Variants in CDH8 observed in about 807,000 individuals in gnomAD.
CDH8 encodes the protein cadherin 8, also known as cadherin-8.
In CDH8, 17 loss-of-function variants were observed where a neutral mutation model predicts 68.1. The observed-to-expected ratio is 0.25, with a 90% CI of 0.17 to 0.37. The LOEUF (loss-of-function observed/expected upper bound fraction) is 0.37. Among genes scored for constraint, CDH8 ranks in the 10% least tolerant of loss-of-function variants. The probability of loss-of-function intolerance (pLI) is 1.00; values close to 1 mark genes in which losing one functional copy is unlikely to be tolerated. For missense variants in CDH8, 763 were observed against 999.3 expected (o/e 0.76, Z 3.19); for synonymous variants, 372 against 365.1 (o/e 1.02, Z -0.21).
intron 4 of CDH8, among the ~76,000 whole-genome samples, chr16:61,849,330 A>AT (rs1461488036): frequency 6.6e-6 from 1 of 152,058 alleles, no homozygotes; most frequent in African/African-American, 2.4e-5. Flanking sequence ...AGAAAAAAAA[A>AT]AAGGAAATTG....
chr16:61,655,973 C>T (rs925153982), intron 10 of CDH8, among the ~76,000 whole-genome samples: 2 of 151,552 alleles, frequency 1.3e-5, no homozygotes, highest in African/African-American at 2.4e-5. Context: ...CCCGGGTTCA[C>T]GCCATTCTCC....
chr16:61,706,408 G>A (rs1964532591), intron 10 of CDH8, among the ~76,000 whole-genome samples: 1 of 151,790 alleles, frequency 6.6e-6, no homozygotes, highest in African/African-American at 2.4e-5. Flanking sequence ...ACGAGGTCAG[G>A]AGATCGAGAC....
At chr16:61,723,429 T>C (rs150605522) in intron 9 of CDH8, among the ~76,000 whole-genome samples, 10 of 150,938 alleles carry the variant, frequency 6.6e-5, no homozygotes, top group Non-Finnish European at 1.5e-4. Context: ...CAGTACTTGA[T>C]AGATGTTTTC....
chr16:61,746,128 G>A (rs936241335), intron 8 of CDH8, among the ~76,000 whole-genome samples: 1 of 152,122 alleles, frequency 6.6e-6, no homozygotes, highest in South Asian at 2.1e-4. Flanking sequence ...TCTTTGAAAC[G>A]TTTAAATCCT....
At chr16:61,718,639 T>G (rs1432749002) in intron 9 of CDH8, among the ~76,000 whole-genome samples, 1 of 151,286 alleles carries the variant, frequency 6.6e-6, no homozygotes, top group African/African-American at 2.4e-5. Flanking sequence ...TCCTGAAATA[T>G]TAACATCTAT....
chr16:61,737,940 G>C (rs1304477429), intron 8 of CDH8, among the ~76,000 whole-genome samples: 2 of 152,140 alleles, frequency 1.3e-5, no homozygotes, highest in African/African-American at 4.8e-5. Context: ...AGAGTATAAA[G>C]AGTAGTCACT....
At chr16:61,694,874 T>G (rs1361436320) in intron 10 of CDH8, among the ~76,000 whole-genome samples, 1 of 151,424 alleles carries the variant, frequency 6.6e-6, no homozygotes, top group East Asian at 2.0e-4. Flanking sequence ...CTCCACCTCC[T>G]GGGTTCACGT....
intron 2 of CDH8, among the ~76,000 whole-genome samples, chr16:61,970,145 G>T (rs1965315320): frequency 6.6e-6 from 1 of 152,148 alleles, no homozygotes; most frequent in African/African-American, 2.4e-5. Flanking sequence ...ACCTAAGTTA[G>T]TAAGATGCCA....
At chr16:62,023,608 C>CA (rs551912114) in intron 1 of CDH8, among the ~76,000 whole-genome samples, 14 of 151,678 alleles carry the variant, frequency 9.2e-5, no homozygotes, top group East Asian at 3.9e-4. Context: ...TTTGAGAAAA[C>CA]AAAAAAAATG....
chr16:62,000,380 G>A (rs1361183820), intron 2 of CDH8, among the ~76,000 whole-genome samples: 10 of 152,128 alleles, frequency 6.6e-5, no homozygotes, highest in Non-Finnish European at 1.3e-4. Flanking sequence ...TCTCCACACT[G>A]TCTTCCATAA....
chr16:61,781,691 CTG>C (rs201490305), intron 8 of CDH8, among the ~76,000 whole-genome samples: 1 of 152,242 alleles, frequency 6.6e-6, no homozygotes, highest in Admixed American at 6.5e-5. Flanking sequence ...TTAAAGAAGA[CTG>C]GATTTTTTTG....
Position 61,687,391 on chromosome 16 carries a change from C to T in CDH8, c.1654+26450G>A, listed in dbSNP as rs540143724. Among the ~76,000 whole-genome samples, 3 of 152,018 alleles carry T rather than the reference C, an allele frequency of 2.0e-5. 1 individual carries two copies. The highest frequency in any genetic ancestry group is 2.0e-4 in the Admixed American group (3 of 15,240). ...AATAATCACATACCCGTTTTGTAGA[C>T]CAGGACACTGAGGCTCAGATAGTCT... On this transcript the variant is annotated intron_variant, in intron 10 of 11. Transcript: ENST00000577390.
intron 4 of CDH8, among the ~76,000 whole-genome samples, chr16:61,854,671 C>T (rs969640594): frequency 1.1e-4 from 16 of 152,128 alleles, no homozygotes; most frequent in African/African-American, 3.4e-4. Flanking sequence ...CATATGCTTA[C>T]AGACTTTAAA....
At chr16:61,760,023 A>AC (rs1422504834) in intron 8 of CDH8, among the ~76,000 whole-genome samples, 2 of 151,316 alleles carry the variant, frequency 1.3e-5, no homozygotes, top group East Asian at 3.9e-4. Flanking sequence ...ATACCAACAC[A>AC]CCCCCCACCC....
intron 2 of CDH8, among the ~76,000 whole-genome samples, chr16:61,951,787 T>G (rs1964903010): frequency 6.6e-6 from 1 of 152,154 alleles, no homozygotes; most frequent in Non-Finnish European, 1.5e-5. Context: ...TTCTCTTTAC[T>G]TATTGAAAGG....
At chr16:61,702,538 T>C (rs927429449) in intron 10 of CDH8, among the ~76,000 whole-genome samples, 3 of 152,150 alleles carry the variant, frequency 2.0e-5, no homozygotes, top group Non-Finnish European at 4.4e-5. Flanking sequence ...GTCGGTACAA[T>C]TATCATGTTG....
At chr16:61,768,302 GTGTCTCTCCCTT>G (rs1342522184) in intron 8 of CDH8, among the ~76,000 whole-genome samples, 21 of 94,576 alleles carry the variant, frequency 2.2e-4, no homozygotes, top group South Asian at 6.7e-4. Flanking sequence ...CTCTCTCTCT[GTGTCTCTCCCTT>G]TCTCTCTCTC....
At position 61,960,443 on chromosome 16, in the gene CDH8, TACAC is replaced by T. The variant is rs146997591; in HGVS notation, c.253-58974_253-58971del. 5.7e-3 allele frequency among the ~76,000 whole-genome samples: 847 copies of T among 149,414 alleles called. 43 individuals carry two copies. Among genetic ancestry groups the T allele is most frequent in the African/African-American group, 0.02 (797 of 39,704 alleles). ...TGTGTATACACATACATATGTAAAA[TACAC>T]ACACAAACACAGAGAGAGTATACAT... On this transcript the variant is annotated intron_variant, in intron 2 of 11. Transcript: ENST00000577390.
At chr16:61,899,514 G>A (rs917688777) in intron 3 of CDH8, among the ~76,000 whole-genome samples, 1 of 152,010 alleles carries the variant, frequency 6.6e-6, no homozygotes, top group South Asian at 2.1e-4. Context: ...GGGATAAAGA[G>A]AAGAAGAAAC....
Sources: gnomAD v4.1 joint callset for allele counts (sites outside exome capture counted in the v4.1 genomes callset) on GRCh38, gnomAD v4.1.1 for gene constraint, MANE v1.5 for transcripts, NCBI Gene and HGNC (gene_info 2026-07-23, HGNC 2026-07-21) for gene names.